ANKRD18A: variants seen among roughly 807,000 people sequenced by gnomAD.
ANKRD18A encodes ankyrin repeat domain-containing protein 18A.
In ANKRD18A, 72 loss-of-function variants were observed where a neutral mutation model predicts 110.6. The observed-to-expected ratio is 0.65, with a 90% CI of 0.54 to 0.79. The LOEUF (loss-of-function observed/expected upper bound fraction) is 0.79. ANKRD18A is among the 30% of genes least tolerant of loss of function. The probability of loss-of-function intolerance (pLI) is 0.00; values close to 1 mark genes in which losing one functional copy is unlikely to be tolerated. For synonymous variants in ANKRD18A, 305 were observed against 410.3 expected, an observed-to-expected ratio of 0.74 and a Z score of 3.10; for missense variants, 934 against 1,163.3, an observed-to-expected ratio of 0.80 and a Z score of 2.87.
chr9:38,610,150 T>C, intron 5 of ANKRD18A, 123 bp downstream of exon 5: 1 of 1,312,512 alleles, frequency 7.6e-7, no homozygotes, highest in Non-Finnish European at 1.0e-6. Context: ...GTGGACTAAC[T>C]TGTTGCCATT....
chr9:38,609,159 T>C (rs999069872), intron 5 of ANKRD18A, among the ~76,000 whole-genome samples: 2 of 152,126 alleles, frequency 1.3e-5, no homozygotes, highest in African/African-American at 4.8e-5. Context: ...GAACAATGGC[T>C]GAGCCTATGT....
In ANKRD18A at chr9:38,605,457, A is replaced by G. The variant is rs960927867; in HGVS notation, c.808+1969T>C. 2.0e-5 allele frequency among the ~76,000 whole-genome samples: 3 copies of G among 152,206 alleles called. No homozygotes were observed. The South Asian group carries it at 6.2e-4, about 31-fold the overall frequency. ...TATAGAAGTGGTTTGACAATTATGTACTAAGTTAACGGTGTCTTTATACAG... is the reference window on the plus strand; with the variant it reads ...TATAGAAGTGGTTTGACAATTATGTGCTAAGTTAACGGTGTCTTTATACAG... On this transcript the variant is annotated intron_variant, in intron 6 of 15. Coordinates refer to ENST00000399703, the MANE Select transcript of ANKRD18A (RefSeq NM_147195.4).
intron 12 of ANKRD18A, among the ~76,000 whole-genome samples, chr9:38,579,290 G>T (rs1824046720): frequency 6.6e-6 from 1 of 152,184 alleles, no homozygotes; most frequent in African/African-American, 2.4e-5. Context: ...ACAAAGATTT[G>T]TATAGGTAAG....
At chr9:38,606,848 A>T (rs1825380818) in intron 6 of ANKRD18A, among the ~76,000 whole-genome samples, 1 of 152,126 alleles carries the variant, frequency 6.6e-6, no homozygotes, top group South Asian at 2.1e-4. Flanking sequence ...CTAATTTCTT[A>T]TTTATATTAA....
chr9:38,577,090 C>T lies in ANKRD18A; in HGVS notation c.2704G>A (p.Val902Met), dbSNP rs180784545. 178 of 1,548,694 alleles carry T rather than the reference C, an allele frequency of 1.1e-4. 1 individual carries two copies. The African/African-American group carries it at 2.0e-3, about 17-fold the overall frequency. The stretch of plus-strand genomic sequence containing the variant: ...TTTGACATGGAATTGTTAGCTTTCA[C>T]TGCTCCTGCAAAGGCTTCCTTAAAT... ...EEFKEAFAGA[V>M]KANNSMSKKL... The change falls in exon 14 of 16, where the codon GTG (valine) becomes ATG (methionine). Residue 902 changes from valine to methionine, a missense_variant. By Grantham distance (21) the Val-to-Met change is conservative. Transcript: ENST00000399703.
At chr9:38,596,619 T>TAC (rs145697360) in intron 8 of ANKRD18A, among the ~76,000 whole-genome samples, 10,326 of 151,834 alleles carry the variant, frequency 0.068, 338 homozygotes, top group Non-Finnish European at 0.077. Context: ...ATCCATAAAA[T>TAC]ACACACACAC....
intron 12 of ANKRD18A, among the ~76,000 whole-genome samples, chr9:38,584,026 C>G (rs992237411): frequency 2.0e-5 from 3 of 152,228 alleles, no homozygotes; most frequent in African/African-American, 7.2e-5. Flanking sequence ...CAGGAATTCA[C>G]GCCTTATGCA....
chr9:38,586,280 A>C lies in ANKRD18A; in HGVS notation c.2150T>G (p.Met717Arg), dbSNP rs267602243. ...YKKCLEMTINMLNAFANEDFS... is the reference protein window; with the variant it reads ...YKKCLEMTINRLNAFANEDFS... ...GTCCTCATTTGCAAATGCATTTAAC[A>C]TATTTATTGTCATTTCTAGGCATTT... is the stretch of plus-strand genomic sequence containing the variant. The change falls in exon 12 of 16, where the codon ATG becomes AGG. Residue 717 changes from methionine (M) to arginine (R), a missense_variant. By Grantham distance (91) the Met-to-Arg change is moderately conservative. Coordinates refer to ENST00000399703, the MANE Select transcript of ANKRD18A (RefSeq NM_147195.4). 4 of 1,600,504 alleles carry C rather than the reference A, an allele frequency of 2.5e-6. No individual in the cohort carries two copies. The highest frequency in any genetic ancestry group is 2.7e-5 in the African/African-American group (2 of 74,498).
chr9:38,594,788 A>C (rs1238545366), intron 9 of ANKRD18A, among the ~76,000 whole-genome samples: 1 of 152,230 alleles, frequency 6.6e-6, no homozygotes, highest in Non-Finnish European at 1.5e-5. Flanking sequence ...TCTAGAATTA[A>C]GTGTCAAAGC....
chr9:38,581,285 A>G (rs1300661477), intron 12 of ANKRD18A, among the ~76,000 whole-genome samples: 1 of 152,228 alleles, frequency 6.6e-6, no homozygotes, highest in Non-Finnish European at 1.5e-5. Context: ...GCAGATAACC[A>G]GGAGAGAGAT....
chr9:38,571,048 C>T (rs1256886815), downstream of ANKRD18A: 2 of 1,412,752 alleles, frequency 1.4e-6, no homozygotes, highest in Non-Finnish European at 1.8e-6. Flanking sequence ...ATCAAGAACC[C>T]TTGAGGCTGA....
chr9:38,620,092 TCGCGGGCGTCCAAGTCCCGGAACCTG>T lies in ANKRD18A; in HGVS notation c.168_193del (p.Arg57GlnfsTer33). 6.4e-7 allele frequency: 1 copy of T among 1,552,878 alleles called. No homozygotes were observed. The highest frequency in any genetic ancestry group is 2.4e-5 in the East Asian group (1 of 41,136). On this transcript the variant is annotated frameshift_variant, in exon 1 of 16. Coordinates refer to ENST00000399703, the MANE Select transcript of ANKRD18A (RefSeq NM_147195.4). LOFTEE classifies it high-confidence loss of function. ...GTCCCCGAGCTACCTGTCTTTTCTG[TCGCGGGCGTCCAAGTCCCGGAACCTG>T]CGCGTCAGGCAGCGCTCCACCTCCG...
downstream of ANKRD18A, chr9:38,566,829 C>G (rs960970754): frequency 2.0e-5 from 3 of 152,052 alleles, no homozygotes; most frequent in Non-Finnish European, 4.4e-5. Context: ...TTTTCAATGA[C>G]CAGGTGTCAT....
intron 12 of ANKRD18A, among the ~76,000 whole-genome samples, chr9:38,578,499 G>C (rs1450800919): frequency 6.6e-6 from 1 of 152,032 alleles, no homozygotes; most frequent in Non-Finnish European, 1.5e-5. Flanking sequence ...CCCAAAATTT[G>C]TCAAAAAAAC....
downstream of ANKRD18A, among the ~76,000 whole-genome samples, chr9:38,568,614 C>A (rs1326889984): frequency 1.3e-5 from 2 of 151,680 alleles, no homozygotes; most frequent in Non-Finnish European, 2.9e-5. Context: ...CCACTTGCTC[C>A]AGGCACACCC....
In ANKRD18A at chr9:38,578,133, C is replaced by A. The variant is rs780842830; in HGVS notation, c.2263G>T (p.Ala755Ser). The A allele has an allele frequency of 1.3e-6, 2 of 1,544,590 alleles. No individual in the cohort carries two copies. The highest frequency in any genetic ancestry group is 1.7e-6 in the Non-Finnish European group (2 of 1,145,436). The change falls in exon 13 of 16, where the codon GCC (alanine) becomes TCC (serine). Residue 755 changes from alanine to serine, a missense_variant. Physicochemically the swap from Ala to Ser is moderately conservative, Grantham distance 99. Coordinates refer to ENST00000399703, the MANE Select transcript of ANKRD18A (RefSeq NM_147195.4). ...TCTGAAGACACAGCTTCCTTCTCGG[C>A]CACAAGATCATTAAACTGCATTAAG... Reference protein sequence around the residue: ...KLKQKFNDLVAEKEAVSSECV... With the variant: ...KLKQKFNDLVSEKEAVSSECV...
intron 6 of ANKRD18A, chr9:38,604,294 C>A (rs1260717972): frequency 1.3e-5 from 2 of 151,990 alleles, no homozygotes; most frequent in African/African-American, 4.8e-5. Context: ...GAGACTACAT[C>A]CCCGAAGGAA....
intron 10 of ANKRD18A, 102 bp from the exon 11 acceptor site, chr9:38,588,765 C>CGGTT (rs1824502909): frequency 1.1e-6 from 1 of 876,454 alleles, no homozygotes; most frequent in Admixed American, 4.6e-5. Flanking sequence ...TGTATTTAGG[C>CGGTT]GGTTGTATAA....
chr9:38,576,865 G>C (rs752625735), intron 14 of ANKRD18A, among the ~76,000 whole-genome samples, 188 bp downstream of exon 14: 1 of 152,162 alleles, frequency 6.6e-6, no homozygotes, highest in Non-Finnish European at 1.5e-5. Context: ...AAAGAGAAGA[G>C]AGACAGAAAC....
Sources: gnomAD v4.1 joint callset for allele counts (sites outside exome capture counted in the v4.1 genomes callset) on GRCh38, gnomAD v4.1.1 for gene constraint, MANE v1.5 for transcripts, NCBI Gene and HGNC (gene_info 2026-07-23, HGNC 2026-07-21) for gene names.